Variants in DLGAP2 observed in about 807,000 individuals in gnomAD.
DLGAP2 encodes the protein DLG associated protein 2.
DLGAP2 carries 26 observed loss-of-function variants against 100.3 expected under a neutral mutation model. The ratio of observed to expected loss-of-function variants is 0.26; its 90% CI spans 0.19 to 0.36. The LOEUF (loss-of-function observed/expected upper bound fraction) is 0.36. Among genes scored for constraint, DLGAP2 ranks in the 10% least tolerant of loss-of-function variants. DLGAP2 has a pLI of 1.00. For missense variants in DLGAP2, 1,858 were observed against 1,453.2 expected, an observed-to-expected ratio of 1.28 and a Z score of -4.53; for synonymous variants, 886 against 630.1, an observed-to-expected ratio of 1.41 and a Z score of -6.08.
intron 6 of DLGAP2, among the ~76,000 whole-genome samples, chr8:1,618,313 C>T (rs551967467): frequency 6.6e-6 from 1 of 152,168 alleles, no homozygotes; most frequent in African/African-American, 2.4e-5. Flanking sequence ...TTTCTGTAGA[C>T]CCATAATGAA....
chr8:1,319,033 G>A (rs1325342592), intron 3 of DLGAP2, among the ~76,000 whole-genome samples: 1 of 149,144 alleles, frequency 6.7e-6, no homozygotes, highest in Non-Finnish European at 1.5e-5. Context: ...CGAGCTCGGT[G>A]GCGAACAATG....
intron 1 of DLGAP2, among the ~76,000 whole-genome samples, chr8:772,740 A>T (rs111944829): frequency 3.2e-4 from 48 of 152,264 alleles, no homozygotes; most frequent in African/African-American, 1.1e-3. Flanking sequence ...TTTGAGAGGG[A>T]TGTGGGGTCA....
At chr8:938,673 C>G (rs1799127461) in intron 2 of DLGAP2, among the ~76,000 whole-genome samples, 1 of 152,166 alleles carries the variant, frequency 6.6e-6, no homozygotes, top group Admixed American at 6.5e-5. Flanking sequence ...TGGGGGTGAC[C>G]AGCCGGCATG....
At chr8:1,581,335 A>G (rs1803245630) in intron 6 of DLGAP2, among the ~76,000 whole-genome samples, 1 of 151,300 alleles carries the variant, frequency 6.6e-6, no homozygotes. Context: ...CCAGAAGAGA[A>G]GGATACAGAC....
chr8:1,324,092 G>A (rs534654810), intron 3 of DLGAP2, among the ~76,000 whole-genome samples: 39 of 152,148 alleles, frequency 2.6e-4, no homozygotes, highest in Non-Finnish European at 4.4e-4. Flanking sequence ...AGGGCCTCTG[G>A]CTTAGTGAAA....
rs908695999 is a variant in DLGAP2, at chr8:984,495, G to A, written c.73+76529G>A. Among the ~76,000 whole-genome samples, 3 of 152,174 alleles carry A rather than the reference G, an allele frequency of 2.0e-5. No individual in the cohort carries two copies. The South Asian group carries it at 6.2e-4, about 32-fold the overall frequency. On this transcript the variant is annotated intron_variant, in intron 2 of 14. Transcript: ENST00000637795. ...CTAGGTTTATCTTGGTTGTGGGGAT[G>A]GTCAGCTTGGCCCACGCTCCTGGCC...
intron 5 of DLGAP2, among the ~76,000 whole-genome samples, chr8:1,563,274 C>T (rs67843853): frequency 3.7e-5 from 1 of 26,708 alleles, no homozygotes. Flanking sequence ...TGGGTGTCTG[C>T]GCCTCGTTGC....
At chr8:1,249,478 A>C (rs1467689743) in intron 2 of DLGAP2, among the ~76,000 whole-genome samples, 1 of 152,212 alleles carries the variant, frequency 6.6e-6, no homozygotes, top group East Asian at 1.9e-4. Context: ...TTCTCATAAA[A>C]AGCTAGGAAA....
chr8:1,266,037 C>G lies in DLGAP2; in HGVS notation c.106+7154C>G, dbSNP rs188246927. Reference sequence around the variant, plus strand: ...AGAAAAAAATGATTACAAGGAGAAACCAACAAATGAAAAATTATGACAGGG... The same window carrying G: ...AGAAAAAAATGATTACAAGGAGAAAGCAACAAATGAAAAATTATGACAGGG... On this transcript the variant is annotated intron_variant, in intron 3 of 14. Coordinates refer to ENST00000637795, the MANE Select transcript of DLGAP2 (RefSeq NM_001346810.2). 7.9e-5 allele frequency among the ~76,000 whole-genome samples: 12 copies of G among 152,154 alleles called. No individual in the cohort carries two copies. The East Asian group carries it at 2.3e-3, about 29-fold the overall frequency.
intron 2 of DLGAP2, among the ~76,000 whole-genome samples, chr8:1,213,968 G>T (rs914882503): frequency 1.3e-5 from 2 of 152,034 alleles, no homozygotes; most frequent in African/African-American, 4.8e-5. Flanking sequence ...CCCATCTCCA[G>T]CCTTCAGAGG....
intron 2 of DLGAP2, among the ~76,000 whole-genome samples, chr8:1,182,820 G>T (rs1431734844): frequency 2.6e-5 from 4 of 152,192 alleles, no homozygotes; most frequent in African/African-American, 9.7e-5. Flanking sequence ...GCAACTCTGG[G>T]CAGTGGCGCG....
At chr8:782,560 T>C (rs1432229121) in intron 1 of DLGAP2, among the ~76,000 whole-genome samples, 1 of 152,176 alleles carries the variant, frequency 6.6e-6, no homozygotes, top group Non-Finnish European at 1.5e-5. Flanking sequence ...ATTGACAAAA[T>C]AGTAAGAATT....
chr8:1,408,652 G>A (rs1796643328), intron 3 of DLGAP2, among the ~76,000 whole-genome samples: 1 of 152,194 alleles, frequency 6.6e-6, no homozygotes, highest in African/African-American at 2.4e-5. Context: ...CTTTGAAAAT[G>A]TATCTTGGAT....
chr8:1,383,288 T>C (rs1184392752), intron 3 of DLGAP2, among the ~76,000 whole-genome samples: 1 of 152,236 alleles, frequency 6.6e-6, no homozygotes, highest in African/African-American at 2.4e-5. Flanking sequence ...TGTTACAGTA[T>C]TTCAAATTCT....
intron 2 of DLGAP2, among the ~76,000 whole-genome samples, chr8:986,151 T>G (rs979263472): frequency 7.2e-5 from 11 of 151,960 alleles, no homozygotes. Flanking sequence ...GCTCACTTAT[T>G]AGTAGGGAGT....
intron 5 of DLGAP2, among the ~76,000 whole-genome samples, chr8:1,557,275 G>A (rs1040346287): frequency 6.6e-6 from 1 of 152,200 alleles, no homozygotes; most frequent in African/African-American, 2.4e-5. Flanking sequence ...CTCACAAGCT[G>A]TGCAGCCGGG....
chr8:965,740 T>A (rs113692205), intron 2 of DLGAP2, among the ~76,000 whole-genome samples: 10,414 of 84,732 alleles, frequency 0.12, 687 homozygotes, highest in Middle Eastern at 0.2. Flanking sequence ...ACTGTTCACC[T>A]CACACGGCTC....
At position 837,725 on chromosome 8, in the gene DLGAP2, AT is replaced by A. The variant is rs1288649940; in HGVS notation, c.19-70177del. On this transcript the variant is annotated intron_variant, in intron 1 of 14. Transcript: ENST00000637795. ...TATATAAATATATATAAAATATATA[AT>A]TTTTTTTTTAGACGGAGTCTCACTC... Among the ~76,000 whole-genome samples, 31 of 145,222 alleles carry A rather than the reference AT, an allele frequency of 2.1e-4. No individual in the cohort carries two copies. In the East Asian group the frequency reaches 2.4e-3, roughly 11 times the overall value.
chr8:950,544 A>G (rs112012412), intron 2 of DLGAP2, among the ~76,000 whole-genome samples: 3,209 of 151,866 alleles, frequency 0.021, 112 homozygotes, highest in African/African-American at 0.075. Flanking sequence ...CGAAATCTAA[A>G]CCTGACCTGT....
Sources: allele counts gnomAD v4.1 joint callset (sites outside exome capture counted in the v4.1 genomes callset), GRCh38; gene constraint gnomAD v4.1.1; transcripts MANE v1.5; gene names NCBI Gene and HGNC (gene_info 2026-07-23, HGNC 2026-07-21).